Variants in TRPC4 observed in about 807,000 individuals in gnomAD.
TRPC4 encodes short transient receptor potential channel 4.
A neutral mutation model predicts 99.4 loss-of-function variants in TRPC4; 49 were observed. The observed-to-expected ratio is 0.49, with a 90% CI of 0.39 to 0.63. The LOEUF is 0.63. Among genes scored for constraint, TRPC4 ranks in the 20% least tolerant of loss-of-function variants. TRPC4 has a pLI of 0.00. For synonymous variants in TRPC4, 454 were observed against 425.9 expected (o/e 1.07, Z -0.81); for missense variants, 898 against 1,152.9 (o/e 0.78, Z 3.20).
chr13:37,854,208 A>G (rs1434295115), intron 1 of TRPC4, among the ~76,000 whole-genome samples: 1 of 152,156 alleles, frequency 6.6e-6, no homozygotes, highest in Non-Finnish European at 1.5e-5. Context: ...CATACATGTG[A>G]GTCCCAGTAT....
chr13:37,712,486 T>G lies in TRPC4; in HGVS notation c.898-20151A>C, dbSNP rs78737519. Among the ~76,000 whole-genome samples, 1,127 of 152,332 alleles carry G rather than the reference T, an allele frequency of 7.4e-3. 18 individuals are homozygous for G. Among genetic ancestry groups the G allele is most frequent in the East Asian group, 0.051 (264 of 5,174 alleles). On this transcript the variant is annotated intron_variant, in intron 3 of 10. Transcript: ENST00000379705. ...CATGCATTTTTTCATTGTCACGCTA[T>G]CAGTGAGCGATCACTGGTGTTAATA...
intron 1 of TRPC4, among the ~76,000 whole-genome samples, chr13:37,862,973 A>C (rs1173948838): frequency 6.6e-6 from 1 of 151,562 alleles, no homozygotes; most frequent in Non-Finnish European, 1.5e-5. Context: ...TTCTATGTTT[A>C]AATACACAAA....
At chr13:37,839,673 G>T (rs1410202493) in intron 1 of TRPC4, among the ~76,000 whole-genome samples, 1 of 152,066 alleles carries the variant, frequency 6.6e-6, no homozygotes, top group African/African-American at 2.4e-5. Flanking sequence ...GAAACCTGGG[G>T]ATTACAGATA....
At chr13:37,828,854 G>T (rs978614158) in intron 1 of TRPC4, among the ~76,000 whole-genome samples, 2 of 152,142 alleles carry the variant, frequency 1.3e-5, no homozygotes, top group African/African-American at 2.4e-5. Context: ...TGGGACTAGG[G>T]TGAGGATTGA....
intron 1 of TRPC4, among the ~76,000 whole-genome samples, chr13:37,844,653 T>C (rs964807573): frequency 6.6e-6 from 1 of 151,870 alleles, no homozygotes; most frequent in African/African-American, 2.4e-5. Context: ...GCCCAGATGC[T>C]CTCGTTAAGC....
At chr13:37,690,341 G>T (rs1258291015) in intron 4 of TRPC4, among the ~76,000 whole-genome samples, 2 of 152,122 alleles carry the variant, frequency 1.3e-5, no homozygotes, top group Non-Finnish European at 2.9e-5. Flanking sequence ...TTGAGGCAGA[G>T]TCTCACTTTG....
intron 4 of TRPC4, among the ~76,000 whole-genome samples, chr13:37,677,622 G>A (rs1953103712): frequency 6.6e-6 from 1 of 152,114 alleles, no homozygotes; most frequent in Admixed American, 6.6e-5. Flanking sequence ...AATTCTATGT[G>A]TGCTTGCAGT....
intron 1 of TRPC4, among the ~76,000 whole-genome samples, chr13:37,837,612 C>T (rs1301344738): frequency 6.6e-6 from 1 of 152,212 alleles, no homozygotes; most frequent in Non-Finnish European, 1.5e-5. Context: ...AGTGTCTGTA[C>T]TCCCACTGTA....
At chr13:37,688,582 T>C (rs1266080295) in intron 4 of TRPC4, among the ~76,000 whole-genome samples, 1 of 152,190 alleles carries the variant, frequency 6.6e-6, no homozygotes, top group Non-Finnish European at 1.5e-5. Context: ...CAAAAGTGTT[T>C]TGCTAGGATA....
intron 1 of TRPC4, among the ~76,000 whole-genome samples, chr13:37,803,600 T>C (rs760636913): frequency 6.6e-6 from 1 of 152,256 alleles, no homozygotes; most frequent in Non-Finnish European, 1.5e-5. Flanking sequence ...ATACTGAGAA[T>C]GCTGTAGTTA....
intron 5 of TRPC4, among the ~76,000 whole-genome samples, chr13:37,668,268 C>T (rs1275992117): frequency 1.3e-5 from 2 of 152,094 alleles, no homozygotes; most frequent in Non-Finnish European, 2.9e-5. Flanking sequence ...TATTCAGATT[C>T]CTTTGAAAGA....
In TRPC4 at chr13:37,633,935, G is replaced by C. The variant is rs1422666683; in HGVS notation, c.*2968C>G. 6.6e-6 allele frequency among the ~76,000 whole-genome samples: 1 copy of C among 151,952 alleles called. No individual in the cohort carries two copies. Among genetic ancestry groups the C allele is most frequent in the Admixed American group, 6.6e-5 (1 of 15,222 alleles). On this transcript the variant is annotated 3_prime_UTR_variant, in exon 11 of 11. Transcript: ENST00000379705. ...GAAAACCTTTATTACGAATAATGAGGTACATCTTTATAGCATACTTTCTTA... is the reference window on the plus strand; with the variant it reads ...GAAAACCTTTATTACGAATAATGAGCTACATCTTTATAGCATACTTTCTTA...
intron 2 of TRPC4, among the ~76,000 whole-genome samples, chr13:37,756,375 A>G (rs1478402610): frequency 6.6e-6 from 1 of 152,158 alleles, no homozygotes; most frequent in East Asian, 1.9e-4. Flanking sequence ...ACAGAATTCA[A>G]ATTTGCACTT....
chr13:37,750,557 T>C (rs966685996), intron 2 of TRPC4, among the ~76,000 whole-genome samples: 31 of 152,176 alleles, frequency 2.0e-4, no homozygotes, highest in Admixed American at 2.0e-4. Flanking sequence ...TGGCAAATTA[T>C]ATTAATAAGT....
chr13:37,644,272 A>G (rs940416889), intron 8 of TRPC4, among the ~76,000 whole-genome samples: 9 of 152,282 alleles, frequency 5.9e-5, no homozygotes, highest in Middle Eastern at 3.4e-3. Context: ...TTTTCTTATA[A>G]TTATCACTGG....
chr13:37,650,051 A>G (rs969726350), intron 8 of TRPC4, among the ~76,000 whole-genome samples: 2 of 152,154 alleles, frequency 1.3e-5, no homozygotes, highest in African/African-American at 4.8e-5. Context: ...TTCTCTTTGG[A>G]ATTAGAGTTG....
chr13:37,732,402 T>G (rs1449853767), intron 3 of TRPC4, among the ~76,000 whole-genome samples: 36 of 151,950 alleles, frequency 2.4e-4, no homozygotes, highest in Non-Finnish European at 1.5e-5. Flanking sequence ...TGTTAAGAAC[T>G]AAAACAAGAC....
chr13:37,864,954 A>G (rs1322294303), intron 1 of TRPC4, among the ~76,000 whole-genome samples: 1 of 151,808 alleles, frequency 6.6e-6, no homozygotes, highest in Non-Finnish European at 1.5e-5. Context: ...TATTGATTCA[A>G]TTATTCATTT....
At chr13:37,644,075 A>G (rs1483136144) in intron 8 of TRPC4, among the ~76,000 whole-genome samples, 4 of 152,334 alleles carry the variant, frequency 2.6e-5, no homozygotes, top group South Asian at 2.1e-4. Context: ...GAAGGGGCAT[A>G]CAATTCAACT....
Sources: allele counts gnomAD v4.1 joint callset (sites outside exome capture counted in the v4.1 genomes callset), GRCh38; gene constraint gnomAD v4.1.1; transcripts MANE v1.5; gene names NCBI Gene and HGNC (gene_info 2026-07-23, HGNC 2026-07-21).